Variants in CDK14 observed in about 807,000 individuals in gnomAD.
CDK14 encodes cyclin dependent kinase 14.
CDK14 carries 34 observed loss-of-function variants against 60.7 expected under a neutral mutation model. That is an observed-to-expected ratio of 0.56 (90% CI 0.43 to 0.75). The LOEUF is 0.75. Ranked by LOEUF, CDK14 falls within the 30% of genes least tolerant of loss-of-function variation. The pLI, the probability that CDK14 is intolerant of heterozygous loss-of-function variation, is 0.00. For synonymous variants in CDK14, 197 were observed against 203.7 expected (o/e 0.97, Z 0.28); for missense variants, 482 against 564.1 (o/e 0.85, Z 1.47).
chr7:91,145,575 A>G (rs376845722), intron 14 of CDK14, among the ~76,000 whole-genome samples: 5 of 152,240 alleles, frequency 3.3e-5, no homozygotes, highest in African/African-American at 9.6e-5. Context: ...AGCTAATGCA[A>G]CGTTCACAAT....
intron 9 of CDK14, among the ~76,000 whole-genome samples, chr7:90,968,974 C>T (rs192440715): frequency 1.3e-5 from 2 of 152,228 alleles, no homozygotes; most frequent in East Asian, 1.9e-4. Flanking sequence ...TTCCTGCCCT[C>T]GAGCAGCACC....
chr7:90,755,142 T>C (rs1012032502), intron 4 of CDK14, among the ~76,000 whole-genome samples: 5 of 152,156 alleles, frequency 3.3e-5, no homozygotes, highest in African/African-American at 1.2e-4. Context: ...GAAATTGTTC[T>C]ACCAAAAAGA....
At chr7:90,816,135 A>T (rs1170831773) in intron 5 of CDK14, among the ~76,000 whole-genome samples, 4 of 152,216 alleles carry the variant, frequency 2.6e-5, no homozygotes, top group Non-Finnish European at 4.4e-5. Flanking sequence ...GAGATCACTG[A>T]TGTGGTCATG....
chr7:90,675,745 G>C (rs553579172), intron 2 of CDK14, among the ~76,000 whole-genome samples: 1 of 152,306 alleles, frequency 6.6e-6, no homozygotes, highest in South Asian at 2.1e-4. Context: ...AGAGTAATAT[G>C]ATTCAAGGAT....
chr7:90,654,043 A>G (rs1043786976), intron 2 of CDK14, among the ~76,000 whole-genome samples: 1 of 152,204 alleles, frequency 6.6e-6, no homozygotes, highest in Non-Finnish European at 1.5e-5. Context: ...TGTATGTGCC[A>G]CATTTTCTTA....
chr7:91,104,334 G>T (rs1346621147), intron 12 of CDK14, among the ~76,000 whole-genome samples: 2 of 152,094 alleles, frequency 1.3e-5, no homozygotes, highest in East Asian at 3.9e-4. Flanking sequence ...GGGTAGGCTG[G>T]AGCATCCCTT....
chr7:90,952,655 C>T (rs1394700145), intron 8 of CDK14, among the ~76,000 whole-genome samples: 1 of 152,156 alleles, frequency 6.6e-6, no homozygotes, highest in East Asian at 1.9e-4. Context: ...CTGGTTAGCA[C>T]TTTGCTTTTT....
chr7:90,801,493 GTAGT>G (rs1788629679), intron 5 of CDK14, among the ~76,000 whole-genome samples: 1 of 152,164 alleles, frequency 6.6e-6, no homozygotes, highest in Non-Finnish European at 1.5e-5. Context: ...TGAGACATTG[GTAGT>G]TAGTCTGGGA....
At chr7:90,868,201 G>A (rs1264868724) in intron 6 of CDK14, among the ~76,000 whole-genome samples, 1 of 151,312 alleles carries the variant, frequency 6.6e-6, no homozygotes, top group Non-Finnish European at 1.5e-5. Flanking sequence ...GACAGTTAAG[G>A]TAATAAACAT....
chr7:90,614,054 T>C (rs1799600788), intron 2 of CDK14, among the ~76,000 whole-genome samples: 1 of 147,684 alleles, frequency 6.8e-6, no homozygotes, highest in Admixed American at 7.0e-5. Flanking sequence ...TTGCCTAGGC[T>C]GGAGTGCAAT....
chr7:91,061,519 A>G (rs1342439186), intron 11 of CDK14, among the ~76,000 whole-genome samples: 4 of 151,940 alleles, frequency 2.6e-5, no homozygotes, highest in African/African-American at 7.3e-5. Context: ...TTTTTTCCCC[A>G]TCTTTGTGGT....
intron 2 of CDK14, among the ~76,000 whole-genome samples, chr7:90,649,406 T>C (rs139850026): frequency 0.04 from 3,758 of 93,870 alleles, 548 homozygotes; most frequent in East Asian, 0.21. Flanking sequence ...TCTTTCTTTC[T>C]TTCTTTCTTT....
At chr7:90,679,457 T>C (rs78998566) in intron 2 of CDK14, among the ~76,000 whole-genome samples, 10,400 of 152,268 alleles carry the variant, frequency 0.068, 480 homozygotes, top group East Asian at 0.19. Flanking sequence ...GTAGGTAATA[T>C]ACTGTCTCTT....
chr7:91,015,621 G>A (rs535149966), intron 10 of CDK14, among the ~76,000 whole-genome samples: 39 of 139,180 alleles, frequency 2.8e-4, no homozygotes, highest in Admixed American at 1.2e-3. Context: ...TCCGCCTCCC[G>A]GGTTCAAGCC....
intron 10 of CDK14, among the ~76,000 whole-genome samples, chr7:91,026,283 A>C (rs1796566634): frequency 6.6e-6 from 1 of 152,198 alleles, no homozygotes; most frequent in Non-Finnish European, 1.5e-5. Flanking sequence ...GCAACTGCTG[A>C]CAATTTCAGC....
intron 10 of CDK14, among the ~76,000 whole-genome samples, chr7:91,022,241 A>G (rs1422501132): frequency 1.3e-5 from 2 of 152,212 alleles, no homozygotes; most frequent in Admixed American, 6.5e-5. Context: ...CAGTAGTTGT[A>G]TAATTCATAC....
chr7:91,183,942 C>A (rs147917055), intron 14 of CDK14, among the ~76,000 whole-genome samples: 9 of 152,128 alleles, frequency 5.9e-5, no homozygotes, highest in Non-Finnish European at 4.4e-5. Context: ...CACCAGTAAT[C>A]ACAGCACTTT....
intron 5 of CDK14, among the ~76,000 whole-genome samples, chr7:90,795,676 T>C (rs1374195564): frequency 1.3e-5 from 2 of 152,072 alleles, no homozygotes; most frequent in African/African-American, 4.8e-5. Context: ...TTAAAAGTGC[T>C]ACTGAATTTA....
intron 2 of CDK14, among the ~76,000 whole-genome samples, chr7:90,665,077 C>G (rs550898756): frequency 6.6e-6 from 1 of 151,786 alleles, no homozygotes; most frequent in East Asian, 1.9e-4. Context: ...GTCAGGAGTT[C>G]GAGACCAGCC....
Sources: gnomAD v4.1 joint callset for allele counts (sites outside exome capture counted in the v4.1 genomes callset) on GRCh38, gnomAD v4.1.1 for gene constraint, MANE v1.5 for transcripts, NCBI Gene and HGNC (gene_info 2026-07-23, HGNC 2026-07-21) for gene names.